The following SERPINE2 variants were observed in gnomAD, a reference collection of about 807,000 sequenced individuals.
SERPINE2 encodes the protein serpin family E member 2.
A neutral mutation model predicts 36.3 loss-of-function variants in SERPINE2; 14 were observed. The observed-to-expected ratio is 0.39, with a 90% CI of 0.25 to 0.60. The LOEUF is 0.60. Ranked by LOEUF, SERPINE2 falls within the 20% of genes least tolerant of loss-of-function variation. The probability of loss-of-function intolerance (pLI) is 0.57; values close to 1 mark genes in which losing one functional copy is unlikely to be tolerated. For synonymous variants in SERPINE2, 192 were observed against 191.8 expected, an observed-to-expected ratio of 1.00 and a Z score of -0.01; for missense variants, 418 against 499.6, an observed-to-expected ratio of 0.84 and a Z score of 1.56.
intron 1 of SERPINE2, among the ~76,000 whole-genome samples, chr2:224,024,472 G>C (rs76027831): frequency 1.3e-5 from 2 of 152,294 alleles, no homozygotes; most frequent in Non-Finnish European, 2.9e-5. Flanking sequence ...GCCTTGTGAA[G>C]GGATTTAAGG....
At position 224,001,654 on chromosome 2, in the gene SERPINE2, A is replaced by G; in HGVS notation, c.247T>C (p.Tyr83His). ...TGTGCACACGCACCATTTACGCCGT[A>G]TCTCATCACCATGGCGAGCTGCTTC... ...TKKQLAMVMR[Y>H]GVNGVGKILK... The change falls in exon 2 of 9, where the codon TAC becomes CAC. Residue 83 changes from tyrosine (Y) to histidine (H), a missense_variant. Transcript: ENST00000409304. 1 of 1,613,870 alleles carries G rather than the reference A, an allele frequency of 6.2e-7. No individual in the cohort carries two copies. The highest frequency in any genetic ancestry group is 2.2e-5 in the East Asian group (1 of 44,880).
intron 1 of SERPINE2, among the ~76,000 whole-genome samples, chr2:224,027,896 A>G (rs1692236982): frequency 6.6e-6 from 1 of 152,180 alleles, no homozygotes; most frequent in South Asian, 2.1e-4. Context: ...GCCACCTTCA[A>G]CTTCCTTCTT....
At chr2:224,004,351 A>T (rs1481470507) in intron 1 of SERPINE2, among the ~76,000 whole-genome samples, 1 of 152,232 alleles carries the variant, frequency 6.6e-6, no homozygotes, top group African/African-American at 2.4e-5. Flanking sequence ...GTTGTGAAAC[A>T]AGCGCTTTTC....
chr2:224,024,933 A>T (rs1692134459), intron 1 of SERPINE2, among the ~76,000 whole-genome samples: 1 of 152,220 alleles, frequency 6.6e-6, no homozygotes, highest in Admixed American at 6.5e-5. Flanking sequence ...TGCATTTTAT[A>T]GGGGAGAACA....
At chr2:224,029,995 G>T in intron 1 of SERPINE2, 1 of 924,528 alleles carries the variant, frequency 1.1e-6, no homozygotes, top group Non-Finnish European at 1.3e-6. Flanking sequence ...GCATAGACAT[G>T]TCTGGCCCTG....
intron 1 of SERPINE2, among the ~76,000 whole-genome samples, chr2:224,018,066 T>C (rs1045024092): frequency 1.6e-4 from 24 of 152,194 alleles, no homozygotes; most frequent in African/African-American, 5.8e-4. Context: ...TGGTCACAGG[T>C]CCTCAGGGAA....
Position 223,975,871 on chromosome 2 carries a change from G to C in SERPINE2, c.1190C>G (p.Pro397Arg). The change falls in exon 9 of 9, where the codon CCC (proline) becomes CGC (arginine). Residue 397 changes from proline to arginine, a missense_variant. Pro to Arg is a moderately radical substitution (Grantham distance 103). Coordinates refer to ENST00000409304, the MANE Select transcript of SERPINE2 (RefSeq NM_001136528.2). ...AVLFMGQINK[P>R] ...ATGGTTTCTTTTGTATACTCTTCAG[G>C]GTTTGTTTATCTGCCCCATGAATAA... 1 of 1,592,860 alleles carries C rather than the reference G, an allele frequency of 6.3e-7. No homozygotes were observed. Among genetic ancestry groups the C allele is most frequent in the Non-Finnish European group, 8.6e-7 (1 of 1,166,206 alleles).
intron 1 of SERPINE2, among the ~76,000 whole-genome samples, chr2:224,020,024 G>A (rs1201216579): frequency 3.3e-5 from 5 of 152,162 alleles, no homozygotes; most frequent in Non-Finnish European, 5.9e-5. Context: ...CTATTACAGA[G>A]AAAGTGGTGG....
intron 1 of SERPINE2, chr2:224,038,652 C>G: frequency 2.7e-6 from 2 of 740,586 alleles, no homozygotes; most frequent in African/African-American, 3.5e-5. Flanking sequence ...AGTAAGAGTG[C>G]GCCAGTCTCT....
intron 4 of SERPINE2, chr2:223,985,175 G>A: frequency 1.8e-6 from 1 of 556,400 alleles, no homozygotes. Flanking sequence ...GGGAATCACT[G>A]AAATCACTTT....
rs565366945 is a variant in SERPINE2, at chr2:223,993,221, C to T, written c.488-1221G>A. On this transcript the variant is annotated intron_variant, in intron 3 of 8. Transcript: ENST00000409304. ...TTGAAGGAAAATGCTCTTTACAAGA[C>T]GTTGGGAATGGTCCGTCTTACTTGT... Among the ~76,000 whole-genome samples the T allele has an allele frequency of 1.3e-4, 20 of 152,260 alleles. No homozygotes were observed. The South Asian group carries it at 1.5e-3, about 11-fold the overall frequency.
intron 1 of SERPINE2, among the ~76,000 whole-genome samples, chr2:224,023,510 T>C (rs1699178279): frequency 6.6e-6 from 1 of 152,230 alleles, no homozygotes; most frequent in Non-Finnish European, 1.5e-5. Context: ...TTCTACAACC[T>C]GAGAAGGAAG....
chr2:223,999,112 A>G (rs1302298510), intron 2 of SERPINE2, among the ~76,000 whole-genome samples: 1 of 152,208 alleles, frequency 6.6e-6, no homozygotes, highest in African/African-American at 2.4e-5. Flanking sequence ...ATTTTGGAAA[A>G]AAAATGAATA....
intron 1 of SERPINE2, among the ~76,000 whole-genome samples, chr2:224,025,023 G>T (rs1261318963): frequency 2.6e-5 from 4 of 152,148 alleles, no homozygotes; most frequent in African/African-American, 9.7e-5. Flanking sequence ...CAGAAGATGG[G>T]GGAAGAAACT....
chr2:224,038,307 G>A (rs555380946), intron 1 of SERPINE2, among the ~76,000 whole-genome samples: 1 of 151,970 alleles, frequency 6.6e-6, no homozygotes, highest in African/African-American at 2.4e-5. Flanking sequence ...TTTCTCCAGA[G>A]ACACACACAC....
chr2:223,996,975 G>T lies in SERPINE2; in HGVS notation c.487+1140C>A, dbSNP rs980504353. On this transcript the variant is annotated intron_variant, in intron 3 of 8. Coordinates refer to ENST00000409304, the MANE Select transcript of SERPINE2 (RefSeq NM_001136528.2). ...ACCTGTAGTTCCAGCTACCGGAAAGGCTGAGGTGGGAGGATTACTTGAGCC... is the reference window on the plus strand; with the variant it reads ...ACCTGTAGTTCCAGCTACCGGAAAGTCTGAGGTGGGAGGATTACTTGAGCC... 2.0e-5 allele frequency among the ~76,000 whole-genome samples: 3 copies of T among 152,154 alleles called. No individual in the cohort carries two copies. In the East Asian group the frequency reaches 5.8e-4, roughly 29 times the overall value.
intron 3 of SERPINE2, among the ~76,000 whole-genome samples, chr2:223,995,189 C>G (rs1052527365): frequency 2.6e-5 from 4 of 152,136 alleles, no homozygotes; most frequent in Admixed American, 6.5e-5. Flanking sequence ...ACAGGCCAGA[C>G]CCATCCCTGA....
At chr2:224,025,436 G>A (rs921971979) in intron 1 of SERPINE2, among the ~76,000 whole-genome samples, 4 of 152,156 alleles carry the variant, frequency 2.6e-5, no homozygotes, top group African/African-American at 9.7e-5. Flanking sequence ...ATGCATGCTT[G>A]GATATAGGGC....
chr2:223,978,221 G>C (rs1311404993), intron 7 of SERPINE2: 1 of 152,762 alleles, frequency 6.5e-6, no homozygotes, highest in Admixed American at 6.5e-5. Flanking sequence ...TAGAGACAGG[G>C]TTTCACTATG....
Sources: allele counts gnomAD v4.1 joint callset (sites outside exome capture counted in the v4.1 genomes callset), GRCh38; gene constraint gnomAD v4.1.1; transcripts MANE v1.5; gene names NCBI Gene and HGNC (gene_info 2026-07-23, HGNC 2026-07-21).